PHIP: variants seen among roughly 807,000 people sequenced by gnomAD.
PHIP encodes the protein PH-interacting protein.
Under a neutral mutation model 236.8 loss-of-function variants are expected in PHIP, and 54 were observed. That is an observed-to-expected ratio of 0.23 (90% CI 0.18 to 0.29). The LOEUF (loss-of-function observed/expected upper bound fraction) is 0.29, where lower values mean the gene tolerates loss of function less well. Among genes scored for constraint, PHIP ranks in the 10% least tolerant of loss-of-function variants. PHIP has a pLI of 1.00. For missense variants in PHIP, 1,370 were observed against 2,190.8 expected, an observed-to-expected ratio of 0.63 and a Z score of 7.48; for synonymous variants, 756 against 718.9, an observed-to-expected ratio of 1.05 and a Z score of -0.83.
intron 27 of PHIP, 45 bp downstream of exon 27, chr6:78,969,790 A>T: frequency 1.1e-6 from 1 of 932,184 alleles, no homozygotes; most frequent in Non-Finnish European, 1.6e-6. Flanking sequence ...TACTAAGAAA[A>T]AAAAACCACA....
chr6:79,022,094 T>C (rs776218253), intron 9 of PHIP, among the ~76,000 whole-genome samples: 3 of 152,192 alleles, frequency 2.0e-5, no homozygotes, highest in Non-Finnish European at 4.4e-5. Flanking sequence ...TGTTTTTAGA[T>C]GCATTATTTG....
chr6:78,935,498 T>C lies in PHIP; in HGVS notation c.*5195A>G. ...TTTGAGAAAATATTTATGCAAAGTG[T>C]TCCACTGAAATGTATCTCTTACGAA... is the stretch of plus-strand genomic sequence containing the variant. On this transcript the variant is annotated 3_prime_UTR_variant, in exon 40 of 40. Coordinates refer to ENST00000275034, the MANE Select transcript of PHIP (RefSeq NM_017934.7). The C allele has an allele frequency of 2.0e-6, 2 of 978,740 alleles. No individual in the cohort carries two copies. The highest frequency in any genetic ancestry group is 2.4e-6 in the Non-Finnish European group (2 of 823,908). The allele number at this position is 978,740 out of a possible 1,614,324, so 60.6% of individuals were successfully genotyped here.
At chr6:78,974,461 A>G (rs983575426) in intron 24 of PHIP, among the ~76,000 whole-genome samples, 4 of 151,990 alleles carry the variant, frequency 2.6e-5, no homozygotes, top group Non-Finnish European at 4.4e-5. Flanking sequence ...ATCACAATTA[A>G]AAGAACTAGA....
intron 22 of PHIP, among the ~76,000 whole-genome samples, chr6:78,983,810 G>A (rs1412801997): frequency 3.3e-5 from 5 of 152,022 alleles, no homozygotes; most frequent in Non-Finnish European, 7.4e-5. Flanking sequence ...ACTATATTTT[G>A]TATACTGCTT....
chr6:79,074,261 G>A (rs920166108), intron 4 of PHIP, among the ~76,000 whole-genome samples: 1 of 151,772 alleles, frequency 6.6e-6, no homozygotes, highest in Admixed American at 6.6e-5. Flanking sequence ...CTAGTTCTTG[G>A]GGGGAAAAAA....
intron 35 of PHIP, among the ~76,000 whole-genome samples, chr6:78,948,246 C>T (rs1217302593): frequency 6.6e-6 from 1 of 152,064 alleles, no homozygotes; most frequent in Non-Finnish European, 1.5e-5. Context: ...GTAATCTCAA[C>T]TTCAGTACTA....
At chr6:79,049,466 C>T (rs543152622) in intron 6 of PHIP, among the ~76,000 whole-genome samples, 19 of 152,202 alleles carry the variant, frequency 1.2e-4, no homozygotes, top group Middle Eastern at 3.4e-3. Flanking sequence ...TTATAATTAA[C>T]AACTACAGAA....
At chr6:79,077,770 G>A in intron 2 of PHIP, 41 bp from the exon 3 acceptor site, 1 of 979,350 alleles carries the variant, frequency 1.0e-6, no homozygotes, top group African/African-American at 1.8e-5. Context: ...CCGCGCCCCG[G>A]GCCGCGGCCC....
chr6:79,076,267 C>T (rs1774156441), intron 4 of PHIP, among the ~76,000 whole-genome samples: 1 of 152,202 alleles, frequency 6.6e-6, no homozygotes, highest in African/African-American at 2.4e-5. Context: ...ACAAAAGACA[C>T]TCATTCTAAG....
At chr6:79,007,153 C>T (rs1448553521) in intron 15 of PHIP, among the ~76,000 whole-genome samples, 2 of 151,846 alleles carry the variant, frequency 1.3e-5, no homozygotes, top group African/African-American at 4.8e-5. Flanking sequence ...TTAAATGATA[C>T]AAAAACTTAT....
chr6:78,959,948 G>A (rs1766669785), intron 31 of PHIP, among the ~76,000 whole-genome samples: 1 of 152,064 alleles, frequency 6.6e-6, no homozygotes, highest in African/African-American at 2.4e-5. Flanking sequence ...ACTGACATTA[G>A]CCTATGGTTG....
At chr6:78,988,699 A>G (rs61649774) in intron 20 of PHIP, among the ~76,000 whole-genome samples, 1 of 152,080 alleles carries the variant, frequency 6.6e-6, no homozygotes, top group Non-Finnish European at 1.5e-5. Context: ...GGTTATGCTG[A>G]TATTTACTTG....
At chr6:79,041,657 G>A (rs185243006) in intron 7 of PHIP, among the ~76,000 whole-genome samples, 2 of 151,980 alleles carry the variant, frequency 1.3e-5, no homozygotes, top group African/African-American at 2.4e-5. Flanking sequence ...ATTAATTTTC[G>A]ATTACTATTT....
At chr6:79,005,049 C>A (rs1770211032) in intron 15 of PHIP, among the ~76,000 whole-genome samples, 1 of 151,878 alleles carries the variant, frequency 6.6e-6, no homozygotes, top group African/African-American at 2.4e-5. Context: ...GAAATGTGTG[C>A]AACAGTGCTT....
intron 6 of PHIP, among the ~76,000 whole-genome samples, chr6:79,059,845 T>C (rs924807845): frequency 9.9e-5 from 15 of 151,682 alleles, no homozygotes; most frequent in African/African-American, 3.6e-4. Flanking sequence ...TATCTTAACC[T>C]CTTTATACTA....
Position 78,961,715 on chromosome 6 carries a change from G to C in PHIP, c.3631C>G (p.Gln1211Glu). 1.2e-6 allele frequency: 2 copies of C among 1,612,410 alleles called. No individual in the cohort carries two copies. Among genetic ancestry groups the C allele is most frequent in the Non-Finnish European group, 1.7e-6 (2 of 1,178,780 alleles). Residue 1211 changes from glutamine to glutamate, a missense_variant, in exon 31 of 40, where the codon CAA becomes GAA. By Grantham distance (29) the Gln-to-Glu change is conservative. This residue lies in a region of PHIP where 238 missense variants were observed against 398.5 expected (regional missense o/e 0.60). Coordinates refer to ENST00000275034, the MANE Select transcript of PHIP (RefSeq NM_017934.7). ...AYPTDLSTIK[Q>E]RLENRFYRRV... ...CTGTAAAACCTGTTTTCCAGTCTTT[G>C]TTTAATTGTACTTAGATCCGTTGGA... is the stretch of plus-strand genomic sequence containing the variant.
chr6:79,062,428 A>C (rs1037459599), intron 4 of PHIP, among the ~76,000 whole-genome samples: 1 of 152,218 alleles, frequency 6.6e-6, no homozygotes, highest in Non-Finnish European at 1.5e-5. Flanking sequence ...AATAAAATTT[A>C]GAAGTCTAGA....
At position 79,065,463 on chromosome 6, in the gene PHIP, A is replaced by G. The variant is rs935052081; in HGVS notation, c.190-4645T>C. 3.9e-5 allele frequency among the ~76,000 whole-genome samples: 6 copies of G among 152,076 alleles called. No individual in the cohort carries two copies. The East Asian group carries it at 5.8e-4, about 15-fold the overall frequency. ...TGGCCTTCTTTCAGGTTATTTACGC[A>G]TAATCTCTCTCTCCTGTCAGACTTT... On this transcript the variant is annotated intron_variant, in intron 4 of 39. Coordinates refer to ENST00000275034, the MANE Select transcript of PHIP (RefSeq NM_017934.7).
chr6:79,069,478 TCTCC>T (rs1484229850), intron 4 of PHIP, among the ~76,000 whole-genome samples: 1 of 151,972 alleles, frequency 6.6e-6, no homozygotes, highest in African/African-American at 2.4e-5. Context: ...GCTTAACTAC[TCTCC>T]CTATTTCATA....
Sources: gnomAD v4.1 joint callset for allele counts (sites outside exome capture counted in the v4.1 genomes callset) on GRCh38, gnomAD v4.1.1 for gene constraint, gnomAD v4.1.1 regional missense constraint, MANE v1.5 for transcripts, NCBI Gene and HGNC (gene_info 2026-07-23, HGNC 2026-07-21) for gene names.